Variants in CHEK1 observed in about 807,000 individuals in gnomAD.
The protein encoded by CHEK1 is checkpoint kinase 1.
In CHEK1, 32 loss-of-function variants were observed where a neutral mutation model predicts 60.2. The ratio of observed to expected loss-of-function variants is 0.53; its 90% CI spans 0.40 to 0.71. The LOEUF is 0.71. CHEK1 is among the 30% of genes least tolerant of loss of function. The pLI is 0.00. For missense variants in CHEK1, 399 were observed against 564.6 expected, an observed-to-expected ratio of 0.71 and a Z score of 2.97; for synonymous variants, 179 against 187.2, an observed-to-expected ratio of 0.96 and a Z score of 0.36.
chr11:125,639,501 C>T (rs774287251), intron 8 of CHEK1, among the ~76,000 whole-genome samples: 2 of 150,734 alleles, frequency 1.3e-5, no homozygotes, highest in African/African-American at 4.9e-5. Flanking sequence ...CTTAGCCACC[C>T]GAGTAGCTGG....
At chr11:125,637,373 ATG>A (rs1172098591) in intron 7 of CHEK1, 74 bp from the exon 8 acceptor site, 3 of 1,102,494 alleles carry the variant, frequency 2.7e-6, no homozygotes, top group Non-Finnish European at 3.9e-6. Context: ...CTAACAGAAA[ATG>A]TGTTTCTTAC....
In CHEK1 at chr11:125,626,121, G is replaced by C. The variant is rs1373901317; in HGVS notation, c.-21+109G>C. Reference sequence around the variant, plus strand: ...AGAAAGTTAGCATTGACTAGCGCAGGGGATTGGAGAGACTCCTGCGGAGGG... The same window carrying C: ...AGAAAGTTAGCATTGACTAGCGCAGCGGATTGGAGAGACTCCTGCGGAGGG... On this transcript the variant is annotated intron_variant, in intron 1 of 12. Coordinates refer to ENST00000438015, the MANE Select transcript of CHEK1 (RefSeq NM_001114122.3). The C allele has an allele frequency of 4.8e-6, 3 of 630,604 alleles. No homozygotes were observed. In the African/African-American group the frequency reaches 5.4e-5, roughly 11 times the overall value. The allele number at this position is 630,604 out of a possible 1,614,324, so 39.1% of individuals were successfully genotyped here.
chr11:125,650,365 G>T (rs922504483), intron 11 of CHEK1, among the ~76,000 whole-genome samples: 1 of 150,924 alleles, frequency 6.6e-6, no homozygotes, highest in Non-Finnish European at 1.5e-5. Context: ...ACATATTGTG[G>T]CAATATGTGG....
intron 5 of CHEK1, among the ~76,000 whole-genome samples, chr11:125,632,768 G>T: frequency 6.6e-6 from 1 of 152,070 alleles, no homozygotes; most frequent in South Asian, 2.1e-4. Context: ...TGAGAAAGTT[G>T]TGCCTAACAT....
chr11:125,680,459 T>G (rs1368293480), downstream of CHEK1, among the ~76,000 whole-genome samples: 1 of 152,204 alleles, frequency 6.6e-6, no homozygotes, highest in Non-Finnish European at 1.5e-5. Flanking sequence ...GCCTACTTTT[T>G]CATCTCATGC....
chr11:125,633,280 G>C lies in CHEK1; in HGVS notation c.542G>C (p.Arg181Thr), dbSNP rs1940938659. 1.9e-6 allele frequency: 3 copies of C among 1,607,020 alleles called. No homozygotes were observed. The highest frequency in any genetic ancestry group is 1.3e-5 in the African/African-American group (1 of 74,438). ...LPYVAPELLK[R>T]REFHAEPVDV... ...TATGTTGCTCCAGAACTTCTGAAGA[G>C]AAGAGAATTTCATGCAGAACCAGTT... The change falls in exon 6 of 13, where the codon AGA (arginine) becomes ACA (threonine). Residue 181 changes from arginine to threonine, a missense_variant. By Grantham distance (71) the Arg-to-Thr change is moderately conservative. Around this residue, in one of 2 missense-constraint regions of CHEK1, gnomAD observed 370 missense variants for 494.8 expected, o/e 0.75. Coordinates refer to ENST00000438015, the MANE Select transcript of CHEK1 (RefSeq NM_001114122.3).
chr11:125,626,200 G>A (rs1034739496), intron 1 of CHEK1, 188 bp downstream of exon 1: 7 of 592,864 alleles, frequency 1.2e-5, no homozygotes, highest in South Asian at 2.0e-5. Flanking sequence ...GTGGGGGCGG[G>A]GGCAGGAGGG....
At chr11:125,637,646 GTCC>G in intron 8 of CHEK1, 102 bp downstream of exon 8, 1 of 663,134 alleles carries the variant, frequency 1.5e-6, no homozygotes, top group Non-Finnish European at 2.5e-6. Context: ...TATGATCTCT[GTCC>G]TCATGGAGAT....
At chr11:125,681,040 G>T, downstream of CHEK1, 1 of 271,528 alleles carries the variant, frequency 3.7e-6, no homozygotes. The surrounding 1 kb of genome is among the most constrained non-coding windows in gnomAD (Gnocchi z 4.2). Flanking sequence ...AGGGTAGTGT[G>T]TTGGGGCTAT....
intron 13 of CHEK1, among the ~76,000 whole-genome samples, chr11:125,674,397 C>T (rs545000926): frequency 2.6e-5 from 4 of 152,112 alleles, no homozygotes; most frequent in East Asian, 1.9e-4. Context: ...GTTAGCATTT[C>T]GATTAGAAAG....
rs750985875 is a variant in CHEK1 at position 125,655,295 on chromosome 11, A to T, written c.1406A>T (p.Gln469Leu). The change falls in exon 13 of 13, where the codon CAG (glutamine) becomes CTG (leucine). Residue 469 changes from glutamine (Q) to leucine (L), a missense_variant. By Grantham distance (113) the Gln-to-Leu change is moderately radical. Transcript: ENST00000438015. Reference protein sequence around the residue: ...KGKLIDIVSSQKIWLPAT With the variant: ...KGKLIDIVSSLKIWLPAT ...AAGCTGATTGATATTGTGAGCAGCC[A>T]GAAGATTTGGCTTCCTGCCACATGA... is the stretch of plus-strand genomic sequence containing the variant. 3 of 1,613,616 alleles carry T rather than the reference A, an allele frequency of 1.9e-6. No homozygotes were observed.
downstream of CHEK1, chr11:125,678,202 A>G (rs1219959794): frequency 6.2e-7 from 1 of 1,614,172 alleles, no homozygotes; most frequent in East Asian, 2.2e-5. Flanking sequence ...TCAGCATCAG[A>G]AGGGTTTTCA....
At chr11:125,639,475 G>A (rs912641212) in intron 8 of CHEK1, among the ~76,000 whole-genome samples, 7 of 143,910 alleles carry the variant, frequency 4.9e-5, no homozygotes, top group Non-Finnish European at 1.0e-4. Flanking sequence ...AGGTTCAAGC[G>A]ATTCGATTCT....
At chr11:125,641,536 G>A (rs544375572) in intron 8 of CHEK1, among the ~76,000 whole-genome samples, 47 of 152,206 alleles carry the variant, frequency 3.1e-4, no homozygotes, top group African/African-American at 1.1e-3. Flanking sequence ...ACTGCCTTCT[G>A]AAATTTCACT....
intron 13 of CHEK1, among the ~76,000 whole-genome samples, chr11:125,675,209 G>A (rs1360053222): frequency 6.6e-6 from 1 of 152,128 alleles, no homozygotes; most frequent in Non-Finnish European, 1.5e-5. Context: ...GGCCCAAATC[G>A]TAAATGTTCC....
At chr11:125,661,424 G>C (rs1942013046), downstream of CHEK1, among the ~76,000 whole-genome samples, 1 of 152,010 alleles carries the variant, frequency 6.6e-6, no homozygotes, top group South Asian at 2.1e-4. Context: ...TGATTCTTGT[G>C]CCTCAGCCTC....
At chr11:125,651,500 C>T (rs1425725170) in intron 11 of CHEK1, among the ~76,000 whole-genome samples, 2 of 151,956 alleles carry the variant, frequency 1.3e-5, no homozygotes, top group Admixed American at 6.6e-5. Context: ...GTTGGTCAGG[C>T]TGGTCTTGAA....
chr11:125,649,973 G>A (rs936417383), intron 11 of CHEK1: 31 of 152,166 alleles, frequency 2.0e-4, no homozygotes, highest in African/African-American at 5.8e-4. Flanking sequence ...TATGTGAGAC[G>A]TTGCTGCTCT....
chr11:125,654,559 T>A (rs1223684492), intron 12 of CHEK1, among the ~76,000 whole-genome samples: 1 of 152,154 alleles, frequency 6.6e-6, no homozygotes, highest in Non-Finnish European at 1.5e-5. Context: ...ATGCATAGAT[T>A]TTTTTGTTCA....
Sources: allele counts gnomAD v4.1 joint callset (sites outside exome capture counted in the v4.1 genomes callset), GRCh38; gene constraint gnomAD v4.1.1; regional missense constraint gnomAD v4.1.1; non-coding constraint Gnocchi (gnomAD v3.1); transcripts MANE v1.5; gene names NCBI Gene and HGNC (gene_info 2026-07-23, HGNC 2026-07-21).